Variants in SQSTM1 observed in about 807,000 individuals in gnomAD.
The protein encoded by SQSTM1 is sequestosome-1.
SQSTM1 carries 36 observed loss-of-function variants against 45.1 expected under a neutral mutation model. The ratio of observed to expected loss-of-function variants is 0.80; its 90% CI spans 0.61 to 1.05. The LOEUF is 1.05. SQSTM1 is among the 50% of genes least tolerant of loss of function. SQSTM1 has a pLI of 0.00. For synonymous variants in SQSTM1, 290 were observed against 244.3 expected (o/e 1.19, Z -1.74); for missense variants, 617 against 607.1 (o/e 1.02, Z -0.17).
chr5:179,819,009 C>G (rs1208257237), upstream of SQSTM1: 1 of 152,546 alleles, frequency 6.6e-6, no homozygotes, highest in African/African-American at 2.4e-5. Context: ...CACGGTGACC[C>G]CGGAGCCACT....
At chr5:179,819,336 C>A (rs561270271), upstream of SQSTM1, among the ~76,000 whole-genome samples, 157 of 121,932 alleles carry the variant, frequency 1.3e-3, 3 homozygotes, top group South Asian at 0.019. Context: ...GCCCCCCCCC[C>A]AGTCTCTTCA....
rs114666120 is a variant in SQSTM1, at chr5:179,823,204, G to A, written c.301+151G>A. 28,370 of 784,276 alleles carry A rather than the reference G, an allele frequency of 0.036. 681 individuals carry two copies. The highest frequency in any genetic ancestry group is 0.041 in the South Asian group (2,800 of 67,892). 48.6% of individuals were successfully genotyped at this position (784,276 alleles called of 1,614,324 possible). Reference sequence around the variant, plus strand: ...GAGACATAGGCCAGGTGTGGCTCACGCCTGTAATTCCAGCACTTTGGGAGG... The same window carrying A: ...GAGACATAGGCCAGGTGTGGCTCACACCTGTAATTCCAGCACTTTGGGAGG... On this transcript the variant is annotated intron_variant, in intron 2 of 7. Coordinates refer to ENST00000389805, the MANE Select transcript of SQSTM1 (RefSeq NM_003900.5).
At chr5:179,815,361 G>A (rs1221970190), upstream of SQSTM1, among the ~76,000 whole-genome samples, 1 of 151,970 alleles carries the variant, frequency 6.6e-6, no homozygotes, top group Non-Finnish European at 1.5e-5. Flanking sequence ...AGGTTGCAGT[G>A]AGCAGAGATC....
At chr5:179,816,681 C>A (rs1288743943), upstream of SQSTM1, among the ~76,000 whole-genome samples, 1 of 152,130 alleles carries the variant, frequency 6.6e-6, no homozygotes, top group African/African-American at 2.4e-5. Context: ...TTCCCACAGT[C>A]CCCCCAGGCG....
chr5:179,816,089 G>A (rs1308716222), upstream of SQSTM1, among the ~76,000 whole-genome samples: 2 of 152,192 alleles, frequency 1.3e-5, no homozygotes, highest in Non-Finnish European at 2.9e-5. Context: ...CTGGGGTGCG[G>A]GCCCTGCTGG....
In SQSTM1 at chr5:179,837,018, T is replaced by C. The variant is rs1758599598; in HGVS notation, c.*425T>C. On this transcript the variant is annotated 3_prime_UTR_variant, in exon 8 of 8. Coordinates refer to ENST00000389805, the MANE Select transcript of SQSTM1 (RefSeq NM_003900.5). Reference sequence around the variant, plus strand: ...ACTCTGATTTTAGATAAAGTAAGCCTAGGTGTTGTCAGCAGGCAGGCTGGG... The same window carrying C: ...ACTCTGATTTTAGATAAAGTAAGCCCAGGTGTTGTCAGCAGGCAGGCTGGG... The C allele has an allele frequency of 3.2e-6, 2 of 626,070 alleles. No individual in the cohort carries two copies. Among genetic ancestry groups the C allele is most frequent in the African/African-American group, 3.7e-5 (2 of 54,392 alleles). The allele number at this position is 626,070 out of a possible 1,614,324, so 38.8% of individuals were successfully genotyped here. A position where few individuals can be genotyped will look rare whatever the true frequency, so the allele number is the denominator to read the frequency against.
intron 5 of SQSTM1, among the ~76,000 whole-genome samples, chr5:179,825,852 G>A (rs1053604864): frequency 2.0e-5 from 3 of 152,134 alleles, no homozygotes; most frequent in Non-Finnish European, 2.9e-5. Context: ...AGTGCCTGTT[G>A]CGTCTGGCTA....
chr5:179,820,812 G>T, upstream of SQSTM1: 2 of 938,072 alleles, frequency 2.1e-6, no homozygotes, highest in South Asian at 2.1e-5. Flanking sequence ...CGACGGTGGC[G>T]GGGGCGGGGA....
chr5:179,826,115 C>T (rs1180049905), intron 5 of SQSTM1, among the ~76,000 whole-genome samples: 1 of 151,658 alleles, frequency 6.6e-6, no homozygotes, highest in African/African-American at 2.4e-5. Flanking sequence ...TGCCTGCTGC[C>T]TCCTGTGGCT....
In SQSTM1 at chr5:179,827,589, A is replaced by G. The variant is rs144608710; in HGVS notation, c.754+2363A>G. Among the ~76,000 whole-genome samples the G allele has an allele frequency of 2.4e-3, 371 of 152,288 alleles. 2 individuals are homozygous for G. The highest frequency in any genetic ancestry group is 8.6e-3 in the African/African-American group (359 of 41,552). On this transcript the variant is annotated intron_variant, in intron 5 of 7. Coordinates refer to ENST00000389805, the MANE Select transcript of SQSTM1 (RefSeq NM_003900.5). ...GTGAGCCACTGCACCCGGCCCTCAG[A>G]TGTCTTTGAGCACTAAAAGCTAAAG...
At chr5:179,834,157 G>GC (rs5873667) in intron 7 of SQSTM1, among the ~76,000 whole-genome samples, 16 of 30,016 alleles carry the variant, frequency 5.3e-4, no homozygotes, top group South Asian at 1.1e-3. Context: ...TGGTCTGAGA[G>GC]GGGGGGGGGT....
At chr5:179,820,582 A>C (rs890005351), upstream of SQSTM1, 7 of 224,392 alleles carry the variant, frequency 3.1e-5, no homozygotes, top group Non-Finnish European at 6.1e-5. Context: ...CAAGCCTGGG[A>C]GGGGCGAGGG....
intron 4 of SQSTM1, 117 bp from the exon 5 acceptor site, chr5:179,825,029 G>C (rs1428056108): frequency 1.0e-6 from 1 of 984,556 alleles, no homozygotes; most frequent in Non-Finnish European, 1.6e-6. Context: ...CACTGGACAA[G>C]ATGTCCGGGT....
intron 1 of SQSTM1, chr5:179,821,571 C>A (rs763833431): frequency 2.2e-6 from 1 of 458,784 alleles, no homozygotes; most frequent in Non-Finnish European, 4.3e-6. Flanking sequence ...CAGATAATGC[C>A]CTGGAGGAGC....
At chr5:179,828,369 CTTTT>C (rs57483633) in intron 5 of SQSTM1, among the ~76,000 whole-genome samples, 3 of 98,300 alleles carry the variant, frequency 3.1e-5, no homozygotes, top group Non-Finnish European at 4.2e-5. Flanking sequence ...TTTTTCTTAT[CTTTT>C]TTTTTTTTTT....
chr5:179,833,854 A>C (rs1399489583), intron 7 of SQSTM1, 72 bp downstream of exon 7: 4 of 1,518,718 alleles, frequency 2.6e-6, no homozygotes, highest in African/African-American at 1.4e-5. Context: ...CTCTGATTTC[A>C]GCGACACAAA....
intron 7 of SQSTM1, 46 bp from the exon 8 acceptor site, chr5:179,836,390 A>C (rs748161241): frequency 6.2e-7 from 1 of 1,613,872 alleles, no homozygotes; most frequent in South Asian, 1.1e-5. Context: ...CGGGTCACTC[A>C]CAGGGCTCAG....
At chr5:179,836,139 C>T (rs1430452523) in intron 7 of SQSTM1, 2 of 530,250 alleles carry the variant, frequency 3.8e-6, no homozygotes, top group Non-Finnish European at 6.8e-6. Flanking sequence ...CCTGTTCTTA[C>T]ATTTTAAAAT....
chr5:179,818,046 G>A (rs927408063), upstream of SQSTM1, among the ~76,000 whole-genome samples: 7 of 127,752 alleles, frequency 5.5e-5, 2 homozygotes, highest in Admixed American at 5.9e-4. Flanking sequence ...AAAAAGTGAT[G>A]TCCAGTGCCT....
Sources: allele counts gnomAD v4.1 joint callset (sites outside exome capture counted in the v4.1 genomes callset), GRCh38; gene constraint gnomAD v4.1.1; transcripts MANE v1.5; gene names NCBI Gene and HGNC (gene_info 2026-07-23, HGNC 2026-07-21).